TRDN: variants seen among roughly 807,000 people sequenced by gnomAD.
TRDN encodes the protein triadin in skeletal muscle.
In TRDN, 161 loss-of-function variants were observed where a neutral mutation model predicts 149.7. The observed-to-expected ratio is 1.08, with a 90% confidence interval of 0.95 to 1.23. The LOEUF is 1.23. Among genes scored for constraint, TRDN ranks in the 50% most tolerant of loss-of-function variants. The pLI, the probability that TRDN is intolerant of heterozygous loss-of-function variation, is 0.00. For synonymous variants in TRDN, 294 were observed against 250.5 expected (o/e 1.17, Z -1.64); for missense variants, 896 against 823.5 (o/e 1.09, Z -1.08).
intron 9 of TRDN, among the ~76,000 whole-genome samples, chr6:123,483,139 G>T (rs1190509122): frequency 6.7e-6 from 1 of 149,294 alleles, no homozygotes; most frequent in South Asian, 2.1e-4. Flanking sequence ...GTCTCGCCCT[G>T]TCGCCCAGAC....
At chr6:123,621,437 C>T (rs573320670) in intron 1 of TRDN, among the ~76,000 whole-genome samples, 80 of 152,048 alleles carry the variant, frequency 5.3e-4, no homozygotes, top group African/African-American at 1.9e-3. Context: ...AACATAGTGC[C>T]ATGAAATAAA....
intron 2 of TRDN, among the ~76,000 whole-genome samples, chr6:123,551,104 T>G: frequency 6.6e-6 from 1 of 150,910 alleles, no homozygotes; most frequent in Non-Finnish European, 1.5e-5. Flanking sequence ...CCATTTCCCT[T>G]CTTTCTAAGT....
At chr6:123,315,139 G>A (rs1778977282) in intron 24 of TRDN, among the ~76,000 whole-genome samples, 1 of 151,840 alleles carries the variant, frequency 6.6e-6, no homozygotes, top group African/African-American at 2.4e-5. Flanking sequence ...TATGCAAAGA[G>A]GAAAGGACAA....
intron 2 of TRDN, among the ~76,000 whole-genome samples, chr6:123,567,406 T>TA (rs1484425296): frequency 2.0e-5 from 3 of 152,152 alleles, no homozygotes; most frequent in Non-Finnish European, 4.4e-5. Flanking sequence ...ACACCTTGTA[T>TA]TAGGTTGTTC....
chr6:123,393,975 C>A (rs1289717396), intron 12 of TRDN, among the ~76,000 whole-genome samples: 2 of 152,086 alleles, frequency 1.3e-5, no homozygotes, highest in Admixed American at 6.6e-5. Flanking sequence ...ATTTGAAAAT[C>A]TCAGAATTCT....
intron 23 of TRDN, among the ~76,000 whole-genome samples, chr6:123,328,146 C>G (rs1779529052): frequency 6.6e-6 from 1 of 152,220 alleles, no homozygotes; most frequent in Non-Finnish European, 1.5e-5. Flanking sequence ...CTAGCCAACA[C>G]AACTTGTTCT....
chr6:123,577,412 T>G (rs1782911931), intron 1 of TRDN, among the ~76,000 whole-genome samples: 1 of 152,174 alleles, frequency 6.6e-6, no homozygotes, highest in Non-Finnish European at 1.5e-5. Flanking sequence ...CATTTTCTGT[T>G]CCTGCATTAG....
chr6:123,482,316 A>T (rs745970932), intron 9 of TRDN, among the ~76,000 whole-genome samples: 2 of 152,230 alleles, frequency 1.3e-5, no homozygotes, highest in Non-Finnish European at 2.9e-5. Context: ...GGCATGTAAC[A>T]TAAACTGAAA....
intron 35 of TRDN, among the ~76,000 whole-genome samples, chr6:123,258,346 AGG>A (rs1471909851): frequency 6.6e-6 from 1 of 152,026 alleles, no homozygotes; most frequent in Non-Finnish European, 1.5e-5. Context: ...TAGCATGAAG[AGG>A]TGTTGAATTT....
At chr6:123,372,838 T>C (rs1253079135) in intron 19 of TRDN, among the ~76,000 whole-genome samples, 2 of 152,146 alleles carry the variant, frequency 1.3e-5, no homozygotes, top group Non-Finnish European at 1.5e-5. Flanking sequence ...TGTGTTGCTA[T>C]CCAATGTGTG....
At chr6:123,287,629 C>CATCAATAG (rs2114643915) in intron 24 of TRDN, among the ~76,000 whole-genome samples, 1 of 152,162 alleles carries the variant, frequency 6.6e-6, no homozygotes, top group South Asian at 2.1e-4. Context: ...TCTACTGAGA[C>CATCAATAG]ATCAATAGAT....
chr6:123,627,206 G>A (rs191161794), intron 1 of TRDN, among the ~76,000 whole-genome samples: 3 of 152,096 alleles, frequency 2.0e-5, no homozygotes, highest in Admixed American at 2.0e-4. Flanking sequence ...TGGGATTATA[G>A]GCATGAGCCA....
chr6:123,369,486 C>T (rs905989041), intron 19 of TRDN, among the ~76,000 whole-genome samples: 1 of 152,138 alleles, frequency 6.6e-6, no homozygotes, highest in Non-Finnish European at 1.5e-5. Flanking sequence ...CCCCACCCTG[C>T]AGCAGACCTC....
chr6:123,322,677 G>C (rs1303632170), intron 23 of TRDN, among the ~76,000 whole-genome samples: 2 of 150,402 alleles, frequency 1.3e-5, no homozygotes, highest in African/African-American at 4.9e-5. Context: ...GAGTCTCACT[G>C]TCACCCAGGC....
intron 21 of TRDN, among the ~76,000 whole-genome samples, chr6:123,338,277 C>T (rs1024896385): frequency 1.1e-4 from 17 of 152,050 alleles, no homozygotes; most frequent in African/African-American, 3.9e-4. Context: ...AAGAAAGACA[C>T]ATTTTAGAGA....
chr6:123,496,558 A>G (rs1023022133), intron 9 of TRDN, among the ~76,000 whole-genome samples: 2 of 152,086 alleles, frequency 1.3e-5, no homozygotes, highest in African/African-American at 4.8e-5. Flanking sequence ...ACAAGCAATC[A>G]AGTTACTCAT....
At chr6:123,529,178 A>T (rs975603611) in intron 5 of TRDN, 1 of 1,545,196 alleles carries the variant, frequency 6.5e-7, no homozygotes, top group Non-Finnish European at 8.7e-7. Flanking sequence ...AACAGCAGGG[A>T]CCCAAATGGT....
intron 10 of TRDN, among the ~76,000 whole-genome samples, chr6:123,449,910 T>A (rs540118864): frequency 6.6e-6 from 1 of 152,284 alleles, no homozygotes; most frequent in South Asian, 2.1e-4. Flanking sequence ...TGGGGCCCTA[T>A]CTTCAGCCTC....
intron 7 of TRDN, among the ~76,000 whole-genome samples, chr6:123,511,547 A>C (rs1020707285): frequency 6.6e-6 from 1 of 152,206 alleles, no homozygotes; most frequent in South Asian, 2.1e-4. Context: ...TTCAAGGTAT[A>C]ATACTGGTCA....
Sources: gnomAD v4.1 joint callset for allele counts (sites outside exome capture counted in the v4.1 genomes callset) on GRCh38, gnomAD v4.1.1 for gene constraint, MANE v1.5 for transcripts, NCBI Gene and HGNC (gene_info 2026-07-23, HGNC 2026-07-21) for gene names.